The following DMWD variants were observed in gnomAD, a reference collection of about 807,000 sequenced individuals.
DMWD encodes dystrophia myotonica WD repeat-containing protein.
A neutral mutation model predicts 45.8 loss-of-function variants in DMWD; 19 were observed. The ratio of observed to expected loss-of-function variants is 0.41; its 90% confidence interval spans 0.29 to 0.61. DMWD has a LOEUF of 0.61. DMWD is among the 20% of genes least tolerant of loss of function. The probability of loss-of-function intolerance (pLI) is 0.25; values close to 1 mark genes in which losing one functional copy is unlikely to be tolerated. For missense variants in DMWD, 802 were observed against 965.2 expected, an observed-to-expected ratio of 0.83 and a Z score of 2.24; for synonymous variants, 515 against 440.5, an observed-to-expected ratio of 1.17 and a Z score of -2.12.
At chr19:45,784,539 TG>T in intron 4 of DMWD, 101 bp downstream of exon 4, 1 of 1,060,774 alleles carries the variant, frequency 9.4e-7, no homozygotes, top group South Asian at 1.3e-5. Context: ...AGTGAGACCA[TG>T]GGGTAAGGGT....
rs761530310 is a variant in DMWD, at chr19:45,786,380, G to A, written c.1116C>T (p.Asn372=). The A allele has an allele frequency of 3.1e-5, 50 of 1,612,932 alleles. No individual in the cohort carries two copies. Among genetic ancestry groups the A allele is most frequent in the Non-Finnish European group, 4.2e-5 (49 of 1,179,534 alleles). ...ARGHGHKSWV[N]AVAFDPYTTR... is the part of the protein sequence containing the mutation. ...TGGTGTAGGGGTCAAAGGCCACAGC[G>A]TTGACCCAGGACTTGTGGCCATGGC... is the stretch of plus-strand genomic sequence containing the variant. The change falls in exon 3 of 5, where the codon AAC becomes AAT. Residue 372 remains asparagine, a synonymous_variant. Transcript: ENST00000270223.
At chr19:45,787,320 G>A (rs1008911187) in intron 2 of DMWD, 4 of 219,184 alleles carry the variant, frequency 1.8e-5, no homozygotes, top group African/African-American at 4.7e-5. Flanking sequence ...TTCAATCCTC[G>A]TAAGAGTGCG....
Position 45,790,908 on chromosome 19 carries a change from C to T in DMWD, c.621G>A (p.Glu207=). ...IKKDTSKLFN[E]ERLIDKTKVT... is the part of the protein sequence containing the mutation. Reference sequence around the variant, plus strand: ...GGGCTCTGGGGGCTGCAATCACCTCCTCATTGAACAGCTTGCTGGTGTCCT... The same window carrying T: ...GGGCTCTGGGGGCTGCAATCACCTCTTCATTGAACAGCTTGCTGGTGTCCT... Residue 207 remains glutamate (E), a synonymous_variant, in exon 2 of 5, where the codon GAG becomes GAA. Coordinates refer to ENST00000270223, the MANE Select transcript of DMWD (RefSeq NM_004943.2). 1 of 1,602,574 alleles carries T rather than the reference C, an allele frequency of 6.2e-7. No homozygotes were observed. Among genetic ancestry groups the T allele is most frequent in the Non-Finnish European group, 8.5e-7 (1 of 1,174,364 alleles).
chr19:45,786,763 G>A lies in DMWD; in HGVS notation c.733C>T (p.His245Tyr). 6.2e-7 allele frequency: 1 copy of A among 1,614,182 alleles called. No homozygotes were observed. Among genetic ancestry groups the A allele is most frequent in the South Asian group, 1.1e-5 (1 of 91,088 alleles). The change falls in exon 3 of 5, where the codon CAC (histidine) becomes TAC (tyrosine). Residue 245 changes from histidine (H) to tyrosine (Y), a missense_variant. His to Tyr is a moderately conservative substitution (Grantham distance 83). This residue lies in a region of DMWD where 146 missense variants were observed against 212.8 expected (regional missense o/e 0.69). Coordinates refer to ENST00000270223, the MANE Select transcript of DMWD (RefSeq NM_004943.2). ...SGHLYLYNVS[H>Y]PCASAPPQYS... is the part of the protein sequence containing the mutation. The stretch of plus-strand genomic sequence containing the variant: ...TGGGGCGGGGCCGAGGCGCAGGGGT[G>A]GCTGACGTTGTACAGGTACAGGTGG...
intron 3 of DMWD, chr19:45,785,159 G>A (rs1051582487): frequency 4.9e-6 from 5 of 1,025,980 alleles, no homozygotes; most frequent in Middle Eastern, 4.7e-4. Flanking sequence ...CTCAGATCCT[G>A]AGTCCCAGAC....
rs574181599 is a variant in DMWD, at chr19:45,786,335, C to T, written c.1161G>A (p.Ala387=). The T allele has an allele frequency of 1.4e-4, 226 of 1,606,918 alleles. 2 individuals carry two copies. In the Middle Eastern group the frequency reaches 2.5e-3, roughly 18 times the overall value. Residue 387 remains alanine, a synonymous_variant, in exon 3 of 5, where the codon GCG becomes GCA. Transcript: ENST00000270223. ...DPYTTRAEEA[A]TAAGADGERS... ...GCTCCCCATCAGCACCGGCTGCTGT[C>T]GCCGCCTCCTCTGCCCTTGTGGTGT... is the stretch of plus-strand genomic sequence containing the variant.
In DMWD at chr19:45,784,676, T is replaced by A. The variant is rs184310787; in HGVS notation, c.1942A>T (p.Ser648Cys). ...EETEAQTGEG[S>C]WPRSPSKSVV... ...GACTTGCTGGGTGACCTGGGCCAAC[T>A]TCCTTCCCCTGTCTGGGCCTCGGTC... The change falls in exon 4 of 5, where the codon AGT (serine) becomes TGT (cysteine). Residue 648 changes from serine (S) to cysteine (C), a missense_variant. By Grantham distance (112) the Ser-to-Cys change is moderately radical. This residue lies in a region of DMWD where 303 missense variants were observed against 332.9 expected (regional missense o/e 0.91). Coordinates refer to ENST00000270223, the MANE Select transcript of DMWD (RefSeq NM_004943.2). 6.2e-7 allele frequency: 1 copy of A among 1,613,618 alleles called. No homozygotes were observed. The highest frequency in any genetic ancestry group is 1.3e-5 in the African/African-American group (1 of 74,982).
chr19:45,787,710 G>A (rs117011718), intron 2 of DMWD, among the ~76,000 whole-genome samples: 2,650 of 152,274 alleles, frequency 0.017, 31 homozygotes, highest in Non-Finnish European at 0.027. Flanking sequence ...AAAAAACCTC[G>A]GCATCTGCCC....
In DMWD at chr19:45,784,651, G is replaced by A; in HGVS notation, c.1967C>T (p.Ser656Leu). 6.2e-7 allele frequency: 1 copy of A among 1,613,938 alleles called. No homozygotes were observed. The highest frequency in any genetic ancestry group is 8.5e-7 in the Non-Finnish European group (1 of 1,179,874). Reference protein sequence around the residue: ...EGSWPRSPSKSVVEGISSQPG... With the variant: ...EGSWPRSPSKLVVEGISSQPG... The stretch of plus-strand genomic sequence containing the variant: ...CAGGGACAGTCCTACCTCTACCACT[G>A]ACTTGCTGGGTGACCTGGGCCAACT... Residue 656 changes from serine (S) to leucine (L), a missense_variant, in exon 4 of 5, where the codon TCA becomes TTA. Around this residue, in one of 9 missense-constraint regions of DMWD, gnomAD observed 303 missense variants for 332.9 expected, o/e 0.91. Coordinates refer to ENST00000270223, the MANE Select transcript of DMWD (RefSeq NM_004943.2).
intron 2 of DMWD, among the ~76,000 whole-genome samples, chr19:45,788,589 G>C (rs1033603904): frequency 9.2e-5 from 14 of 152,172 alleles, no homozygotes; most frequent in East Asian, 1.9e-4. Flanking sequence ...TGGCCACACG[G>C]CTTCTGTGCA....
chr19:45,786,087 G>A lies in DMWD; in HGVS notation c.1409C>T (p.Pro470Leu). Residue 470 changes from proline to leucine, a missense_variant, in exon 3 of 5, where the codon CCA becomes CTA. Pro to Leu is a moderately conservative substitution (Grantham distance 98). This residue lies in a region of DMWD where 303 missense variants were observed against 332.9 expected (regional missense o/e 0.91). Coordinates refer to ENST00000270223, the MANE Select transcript of DMWD (RefSeq NM_004943.2). ...ACCCCTCGAGCTGCTGGCGGCCGGT[G>A]GCGTGGTGCCAGGTGTGCCAGGGAG... ...RTLPGTPGTT[P>L]PAASSSRGGE... 6.6e-7 allele frequency: 1 copy of A among 1,519,130 alleles called. No individual in the cohort carries two copies. The highest frequency in any genetic ancestry group is 8.8e-7 in the Non-Finnish European group (1 of 1,132,170). 94.1% of individuals were successfully genotyped at this position (1,519,130 alleles called of 1,614,324 possible).
At chr19:45,788,986 C>T (rs1335265028) in intron 2 of DMWD, among the ~76,000 whole-genome samples, 1 of 151,926 alleles carries the variant, frequency 6.6e-6, no homozygotes, top group African/African-American at 2.4e-5. Context: ...CTGCCTCCTT[C>T]AGGTCTTTAT....
chr19:45,792,294 C>T lies in DMWD; in HGVS notation c.441+22G>A, dbSNP rs377362284. ...ACCTCCATCCTTTCAGCACCCAGGGCCCCACGATGCAGGCCGCTCACCCGT... is the reference window on the plus strand; with the variant it reads ...ACCTCCATCCTTTCAGCACCCAGGGTCCCACGATGCAGGCCGCTCACCCGT... On this transcript the variant is annotated intron_variant, in intron 1 of 4. Coordinates refer to ENST00000270223, the MANE Select transcript of DMWD (RefSeq NM_004943.2). 4.2e-4 allele frequency: 670 copies of T among 1,599,244 alleles called. 9 individuals carry two copies. In the South Asian group the frequency reaches 7.1e-3, roughly 17 times the overall value.
At chr19:45,787,287 C>T (rs1970293330) in intron 2 of DMWD, 1 of 257,628 alleles carries the variant, frequency 3.9e-6, no homozygotes, top group Non-Finnish European at 7.6e-6. Context: ...CTGAGCCCAG[C>T]CTCCTACCGG....
chr19:45,790,885 G>T lies in DMWD; in HGVS notation c.624+20C>A. On this transcript the variant is annotated intron_variant, in intron 2 of 4. Coordinates refer to ENST00000270223, the MANE Select transcript of DMWD (RefSeq NM_004943.2). ...AGGTGAGAAGGCAGAGAAGTTGGGG[G>T]CTCTGGGGGCTGCAATCACCTCCTC... The T allele has an allele frequency of 4.4e-6, 7 of 1,589,166 alleles. No individual in the cohort carries two copies. Among genetic ancestry groups the T allele is most frequent in the Non-Finnish European group, 6.0e-6 (7 of 1,167,664 alleles).
chr19:45,792,601 A>G lies in DMWD; in HGVS notation c.156T>C (p.Thr52=). The G allele has an allele frequency of 7.6e-7, 1 of 1,312,438 alleles. No individual in the cohort carries two copies. The highest frequency in any genetic ancestry group is 9.9e-7 in the Non-Finnish European group (1 of 1,014,268). The allele number at this position is 1,312,438 out of a possible 1,614,324, so 81.3% of individuals were successfully genotyped here. A position where few individuals can be genotyped will look rare whatever the true frequency, so the allele number is the denominator to read the frequency against. The change falls in exon 1 of 5, where the codon ACT becomes ACC. Residue 52 remains threonine, a synonymous_variant. Transcript: ENST00000270223. ...ARRSGPASAQ[T]PVPPQPPQPP... is the part of the protein sequence containing the mutation. ...GCTGCGGTGGCTGAGGCGGCACCGG[A>G]GTCTGGGCGGAAGCCGGACCCGACC...
chr19:45,784,177 T>G lies in DMWD; in HGVS notation c.*66A>C. ...CTTGTTAATACGTTGATCTGTGAGG[T>G]CAGCAGGGAGGGTTATGGCTAGGAG... On this transcript the variant is annotated 3_prime_UTR_variant, in exon 5 of 5. Transcript: ENST00000270223. 7.3e-7 allele frequency: 1 copy of G among 1,370,136 alleles called. No homozygotes were observed. Among genetic ancestry groups the G allele is most frequent in the South Asian group, 1.2e-5 (1 of 83,818 alleles). The allele number at this position is 1,370,136 out of a possible 1,614,324, so 84.9% of individuals were successfully genotyped here.
intron 2 of DMWD, chr19:45,789,642 A>G (rs901207246): frequency 1.3e-5 from 2 of 152,276 alleles, no homozygotes; most frequent in East Asian, 1.9e-4. Flanking sequence ...AAGGGCATCA[A>G]CTAAGTCCCG....
In DMWD at chr19:45,790,666, A is replaced by AAAAG. The variant is rs530847038; in HGVS notation, c.624+235_624+238dup. 454 of 375,864 alleles carry AAAAG rather than the reference A, an allele frequency of 1.2e-3. 4 individuals are homozygous for AAAAG. The highest frequency in any genetic ancestry group is 6.5e-3 in the African/African-American group (315 of 48,748). 23.3% of individuals were successfully genotyped at this position (375,864 alleles called of 1,614,324 possible). On this transcript the variant is annotated intron_variant, in intron 2 of 4. Transcript: ENST00000270223. ...AGACTCCATCTCAAAATAAATAAAT[A>AAAAG]AAAGAAAGAAAGAAAGAAAGAAAAC... is the stretch of plus-strand genomic sequence containing the variant.
Sources: allele counts gnomAD v4.1 joint callset (sites outside exome capture counted in the v4.1 genomes callset), GRCh38; gene constraint gnomAD v4.1.1; regional missense constraint gnomAD v4.1.1; transcripts MANE v1.5; gene names NCBI Gene and HGNC (gene_info 2026-07-23, HGNC 2026-07-21).